GALNT11: variants seen among roughly 807,000 people sequenced by gnomAD.
The protein encoded by GALNT11 is UDP-GalNAc:polypeptide N-acetylgalactosaminyltransferase 11.
A neutral mutation model predicts 72.7 loss-of-function variants in GALNT11; 47 were observed. The observed-to-expected ratio is 0.65, with a 90% confidence interval of 0.51 to 0.82. GALNT11 has a LOEUF of 0.82. GALNT11 is among the 40% of genes least tolerant of loss of function. The pLI is 0.00. For missense variants in GALNT11, 677 were observed against 778.4 expected (o/e 0.87, Z 1.55); for synonymous variants, 270 against 286.6 (o/e 0.94, Z 0.58).
In GALNT11 at chr7:152,103,260, G is replaced by A; in HGVS notation, c.568G>A (p.Asp190Asn). Reference sequence around the variant, plus strand: ...CCTGCTTCATGAGATCATCCTTGTGGATGATGATAGTGACTTTGGTAAGGA... The same window carrying A: ...CCTGCTTCATGAGATCATCCTTGTGAATGATGATAGTGACTTTGGTAAGGA... ...AHLLHEIILV[D>N]DDSDFDDLKG... The change falls in exon 4 of 12, where the codon GAT becomes AAT. Residue 190 changes from aspartate (D) to asparagine (N), a missense_variant. Coordinates refer to ENST00000430044, the MANE Select transcript of GALNT11 (RefSeq NM_022087.4). 1 of 1,612,854 alleles carries A rather than the reference G, an allele frequency of 6.2e-7. No homozygotes were observed. Among genetic ancestry groups the A allele is most frequent in the Non-Finnish European group, 8.5e-7 (1 of 1,178,974 alleles).
At chr7:152,038,798 G>A (rs865830653) in intron 1 of GALNT11, among the ~76,000 whole-genome samples, 22 of 152,330 alleles carry the variant, frequency 1.4e-4, no homozygotes, top group Middle Eastern at 3.4e-3. Flanking sequence ...GTTACTAGCT[G>A]CTAATCTGTC....
At chr7:152,052,786 T>C (rs1178005552) in intron 1 of GALNT11, among the ~76,000 whole-genome samples, 1 of 152,254 alleles carries the variant, frequency 6.6e-6, no homozygotes, top group Non-Finnish European at 1.5e-5. Flanking sequence ...CCTTTTGATT[T>C]TAAACACCTC....
Position 152,087,802 on chromosome 7 carries a change from A to G in GALNT11, c.-38-6388A>G, listed in dbSNP as rs147769323. Among the ~76,000 whole-genome samples, 173 of 152,346 alleles carry G rather than the reference A, an allele frequency of 1.1e-3. 1 individual carries two copies. Among genetic ancestry groups the G allele is most frequent in the African/African-American group, 4.0e-3 (167 of 41,586 alleles). On this transcript the variant is annotated intron_variant, in intron 1 of 11. Transcript: ENST00000430044. ...TCAGTCATTGTATCTGACACTTTAC[A>G]TATTTTACCTTGTGTAATTCTGAGT... is the stretch of plus-strand genomic sequence containing the variant.
intron 1 of GALNT11, among the ~76,000 whole-genome samples, chr7:152,090,864 C>G (rs1331401630): frequency 6.6e-6 from 1 of 152,032 alleles, no homozygotes; most frequent in Non-Finnish European, 1.5e-5. Flanking sequence ...CACAGTGTTC[C>G]CAGCTGGATA....
intron 1 of GALNT11, among the ~76,000 whole-genome samples, chr7:152,079,963 AT>A (rs946264547): frequency 2.5e-4 from 38 of 152,236 alleles, no homozygotes; most frequent in African/African-American, 8.7e-4. Flanking sequence ...AAATAAATAC[AT>A]TTTAAATGCA....
At chr7:152,034,245 G>C (rs557064745) in intron 1 of GALNT11, among the ~76,000 whole-genome samples, 1 of 152,122 alleles carries the variant, frequency 6.6e-6, no homozygotes, top group African/African-American at 2.4e-5. Context: ...AGGATATGGG[G>C]GTAAGCTGAG....
chr7:152,094,471 A>G lies in GALNT11; in HGVS notation c.244A>G (p.Ser82Gly). The change falls in exon 2 of 12, where the codon AGT becomes GGT. Residue 82 changes from serine (S) to glycine (G), a missense_variant. Physicochemically the swap from Ser to Gly is moderately conservative, Grantham distance 56. Coordinates refer to ENST00000430044, the MANE Select transcript of GALNT11 (RefSeq NM_022087.4). This position sits in a 1 kb window ranked among gnomAD's most constrained non-coding sequence, Gnocchi z 4.3. ...AAACAAAATTGACGATGTGATAGAC[A>G]GTCGTGTTGAAGATCCAGAAGAAGG... ...KANKIDDVIDSRVEDPEEGHL... is the reference protein window; with the variant it reads ...KANKIDDVIDGRVEDPEEGHL... 1 of 1,613,818 alleles carries G rather than the reference A, an allele frequency of 6.2e-7. No individual in the cohort carries two copies. The highest frequency in any genetic ancestry group is 8.5e-7 in the Non-Finnish European group (1 of 1,179,822).
intron 1 of GALNT11, among the ~76,000 whole-genome samples, chr7:152,060,706 G>C (rs1221384609): frequency 6.6e-6 from 1 of 150,792 alleles, no homozygotes; most frequent in African/African-American, 2.4e-5. Flanking sequence ...TCCCACCTAT[G>C]AGTGAGAACA....
At position 152,099,342 on chromosome 7, in the gene GALNT11, T is replaced by TTTTATTTATTTA. The variant is rs143805862; in HGVS notation, c.296-1424_296-1413dup. Among the ~76,000 whole-genome samples, 362 of 143,638 alleles carry TTTTATTTATTTA rather than the reference T, an allele frequency of 2.5e-3. 3 individuals carry two copies. The highest frequency in any genetic ancestry group is 0.011 in the East Asian group (55 of 4,950). The allele number at this position is 143,638 out of a possible 152,430, so 94.2% of individuals were successfully genotyped here. A position where few individuals can be genotyped will look rare whatever the true frequency, so the allele number is the denominator to read the frequency against. On this transcript the variant is annotated intron_variant, in intron 2 of 11. Transcript: ENST00000430044. ...GTTCTACTATTTTTTAAAAATGGACTTTTATTTATTTATTTATTTATTTAT... is the reference window on the plus strand; with the variant it reads ...GTTCTACTATTTTTTAAAAATGGACTTTTATTTATTTATTTATTTATTTATTTATTTATTTAT...
intron 3 of GALNT11, among the ~76,000 whole-genome samples, chr7:152,101,642 T>TTGGG (rs1491144850): frequency 4.3e-5 from 4 of 93,170 alleles, no homozygotes; most frequent in African/African-American, 1.6e-4. Flanking sequence ...GGCTTTTTTT[T>TTGGG]GGGGGGGGGG....
chr7:152,110,043 A>G (rs1314313746), intron 6 of GALNT11, among the ~76,000 whole-genome samples: 1 of 152,210 alleles, frequency 6.6e-6, no homozygotes, highest in African/African-American at 2.4e-5. Context: ...ACCCTGCCAC[A>G]CAAACACATC....
At chr7:152,107,931 G>T in intron 5 of GALNT11, 107 bp from the exon 6 acceptor site, 2 of 1,330,804 alleles carry the variant, frequency 1.5e-6, no homozygotes, top group Non-Finnish European at 2.1e-6. Context: ...CTGGGAGGGT[G>T]GCAGTCGTGT....
chr7:152,076,805 A>G (rs2085010967), intron 1 of GALNT11, among the ~76,000 whole-genome samples: 1 of 152,238 alleles, frequency 6.6e-6, no homozygotes, highest in Non-Finnish European at 1.5e-5. Flanking sequence ...GGTTAACAGC[A>G]TGAGCTAGGA....
intron 2 of GALNT11, among the ~76,000 whole-genome samples, chr7:152,100,490 A>G (rs1224396984): frequency 1.3e-5 from 2 of 151,794 alleles, no homozygotes; most frequent in East Asian, 3.9e-4. Context: ...CGCTTGAACC[A>G]GGGAGTTGGA....
chr7:152,103,628 C>T, intron 4 of GALNT11: 1 of 235,756 alleles, frequency 4.2e-6, no homozygotes, highest in South Asian at 6.3e-5. Context: ...CAGGAATCCA[C>T]ATTGGTACAG....
intron 1 of GALNT11, among the ~76,000 whole-genome samples, chr7:152,031,188 G>A (rs1347838171): frequency 1.3e-5 from 2 of 152,200 alleles, no homozygotes; most frequent in Non-Finnish European, 2.9e-5. Flanking sequence ...TTCAAGTACG[G>A]TTACGTCACT....
chr7:152,032,418 G>A (rs1455910704), intron 1 of GALNT11, among the ~76,000 whole-genome samples: 1 of 152,190 alleles, frequency 6.6e-6, no homozygotes, highest in Non-Finnish European at 1.5e-5. Context: ...TGAGAGAGCA[G>A]GGTATAGGGG....
At position 152,094,861 on chromosome 7, in the gene GALNT11, C is replaced by T. The variant is rs138853190; in HGVS notation, c.295+339C>T. On this transcript the variant is annotated intron_variant, in intron 2 of 11. Coordinates refer to ENST00000430044, the MANE Select transcript of GALNT11 (RefSeq NM_022087.4). This position sits in a 1 kb window ranked among gnomAD's most constrained non-coding sequence, Gnocchi z 4.3. ...CTCACCATATTGCCCAGGCTGTCCCCGAATTCTTGGGCTCAAGCTGCCCTC... is the reference window on the plus strand; with the variant it reads ...CTCACCATATTGCCCAGGCTGTCCCTGAATTCTTGGGCTCAAGCTGCCCTC... Among the ~76,000 whole-genome samples the T allele has an allele frequency of 8.0e-4, 121 of 152,192 alleles. 1 individual carries two copies. The highest frequency in any genetic ancestry group is 2.8e-3 in the African/African-American group (115 of 41,528).
chr7:152,079,857 G>C (rs1173307611), intron 1 of GALNT11, among the ~76,000 whole-genome samples: 1 of 152,164 alleles, frequency 6.6e-6, no homozygotes, highest in Non-Finnish European at 1.5e-5. Flanking sequence ...ATATGAGTGT[G>C]CCTCTTTTAT....
Sources: allele counts gnomAD v4.1 joint callset (sites outside exome capture counted in the v4.1 genomes callset), GRCh38; gene constraint gnomAD v4.1.1; non-coding constraint Gnocchi (gnomAD v3.1); transcripts MANE v1.5; gene names NCBI Gene and HGNC (gene_info 2026-07-23, HGNC 2026-07-21).